Variants in USH2A observed in about 807,000 individuals in gnomAD.
USH2A encodes the protein Usher syndrome 2A (autosomal recessive, mild).
A neutral mutation model predicts 538.9 loss-of-function variants in USH2A; 443 were observed. The ratio of observed to expected loss-of-function variants is 0.82; its 90% CI spans 0.76 to 0.89. USH2A has a LOEUF of 0.89. Ranked by LOEUF, USH2A falls within the 40% of genes least tolerant of loss-of-function variation. USH2A has a pLI of 0.00. For missense variants in USH2A, 6,633 were observed against 6,324.8 expected, an observed-to-expected ratio of 1.05 and a Z score of -1.65; for synonymous variants, 2,413 against 2,273.5, an observed-to-expected ratio of 1.06 and a Z score of -1.75.
intron 38 of USH2A, among the ~76,000 whole-genome samples, chr1:215,903,969 G>A (rs1426105188): frequency 2.0e-5 from 3 of 151,978 alleles, no homozygotes; most frequent in Non-Finnish European, 4.4e-5. Flanking sequence ...AACACAAATG[G>A]TTTTTAACAA....
At chr1:215,906,630 G>T (rs1665646090) in intron 38 of USH2A, among the ~76,000 whole-genome samples, 1 of 151,894 alleles carries the variant, frequency 6.6e-6, no homozygotes, top group Non-Finnish European at 1.5e-5. Flanking sequence ...TTTCTGTCCA[G>T]GTCATATTCT....
intron 14 of USH2A, among the ~76,000 whole-genome samples, chr1:216,221,871 C>T (rs1197434685): frequency 6.6e-6 from 1 of 152,154 alleles, no homozygotes; most frequent in Admixed American, 6.5e-5. Context: ...TCTCAGAAGG[C>T]ATAAATAAGA....
intron 26 of USH2A, among the ~76,000 whole-genome samples, chr1:216,081,171 A>G (rs547164620): frequency 1.8e-4 from 27 of 152,232 alleles, no homozygotes; most frequent in Admixed American, 9.8e-4. Flanking sequence ...AATACAAGAC[A>G]CAAGATCAGG....
intron 12 of USH2A, among the ~76,000 whole-genome samples, chr1:216,248,585 C>CAAGTTCTTTA (rs1456679764): frequency 1.3e-5 from 2 of 151,820 alleles, no homozygotes; most frequent in Non-Finnish European, 2.9e-5. Flanking sequence ...CCAATGAAGG[C>CAAGTTCTTTA]AAGTTCTTTA....
At chr1:216,231,668 C>T (rs1278190871) in intron 14 of USH2A, among the ~76,000 whole-genome samples, 2 of 151,844 alleles carry the variant, frequency 1.3e-5, no homozygotes, top group African/African-American at 4.8e-5. Flanking sequence ...CTGCCTCAGA[C>T]TTCTGAGTAG....
intron 3 of USH2A, among the ~76,000 whole-genome samples, chr1:216,370,359 C>T (rs1416776042): frequency 1.4e-5 from 2 of 143,232 alleles, no homozygotes; most frequent in Non-Finnish European, 3.1e-5. Context: ...AGACTCTATC[C>T]AAAAAAAGAA....
intron 38 of USH2A, among the ~76,000 whole-genome samples, chr1:215,933,568 TACA>T (rs771395189): frequency 2.2e-4 from 33 of 152,008 alleles, no homozygotes; most frequent in Non-Finnish European, 4.0e-4. Context: ...GGTTTTATGA[TACA>T]ACAAGTAATG....
At chr1:215,752,632 AG>A (rs1357538746) in intron 58 of USH2A, among the ~76,000 whole-genome samples, 3 of 152,290 alleles carry the variant, frequency 2.0e-5, no homozygotes. Context: ...CGCTGCAAAA[AG>A]TCATTGTTGC....
chr1:215,983,116 A>G (rs1486387027), intron 35 of USH2A, among the ~76,000 whole-genome samples: 1 of 152,006 alleles, frequency 6.6e-6, no homozygotes, highest in Non-Finnish European at 1.5e-5. Context: ...ATGCCCAGAT[A>G]ATTTTTGTAT....
intron 22 of USH2A, among the ~76,000 whole-genome samples, chr1:216,092,584 A>G (rs2032328266): frequency 6.6e-6 from 1 of 152,344 alleles, no homozygotes; most frequent in East Asian, 1.9e-4. Context: ...AATTTTCACC[A>G]TCCCTCAGTT....
intron 11 of USH2A, among the ~76,000 whole-genome samples, chr1:216,279,773 A>T (rs1400534040): frequency 6.6e-6 from 1 of 152,130 alleles, no homozygotes; most frequent in Non-Finnish European, 1.5e-5. Flanking sequence ...GGATGAAAAA[A>T]GTCCCAAGCA....
intron 13 of USH2A, among the ~76,000 whole-genome samples, chr1:216,235,593 G>A (rs549088635): frequency 2.6e-5 from 4 of 152,258 alleles, no homozygotes; most frequent in African/African-American, 7.2e-5. Context: ...AGAGTTCAAA[G>A]TTATTAGCAA....
chr1:215,875,441 C>T (rs1664738815), intron 43 of USH2A, among the ~76,000 whole-genome samples: 1 of 152,134 alleles, frequency 6.6e-6, no homozygotes, highest in Non-Finnish European at 1.5e-5. Context: ...GCACACTTCC[C>T]TTCCGGAAGC....
intron 3 of USH2A, among the ~76,000 whole-genome samples, chr1:216,405,757 C>T (rs553361258): frequency 6.6e-6 from 1 of 152,256 alleles, no homozygotes; most frequent in East Asian, 1.9e-4. Context: ...TTTGATACAA[C>T]CCAAAACTAG....
intron 3 of USH2A, among the ~76,000 whole-genome samples, chr1:216,394,335 A>G (rs2039165633): frequency 6.7e-6 from 1 of 149,658 alleles, no homozygotes; most frequent in Non-Finnish European, 1.5e-5. Flanking sequence ...ATATTTATTC[A>G]GAAAACAGTT....
intron 37 of USH2A, among the ~76,000 whole-genome samples, chr1:215,944,167 G>C (rs1297470520): frequency 6.6e-6 from 1 of 152,122 alleles, no homozygotes; most frequent in African/African-American, 2.4e-5. Context: ...AATTTGGCCA[G>C]CTGCCTATTT....
chr1:216,258,904 T>A (rs539885269), intron 11 of USH2A, among the ~76,000 whole-genome samples: 1 of 152,204 alleles, frequency 6.6e-6, no homozygotes, highest in South Asian at 2.1e-4. Context: ...AGAGAGAATT[T>A]TCAGGAGCTG....
intron 49 of USH2A, among the ~76,000 whole-genome samples, chr1:215,801,103 C>T (rs1662317017): frequency 6.6e-6 from 1 of 151,874 alleles, no homozygotes; most frequent in Non-Finnish European, 1.5e-5. Flanking sequence ...ATTATAAATC[C>T]ACTCAAGAAA....
chr1:215,990,295 A>C (rs1206538276), intron 35 of USH2A, among the ~76,000 whole-genome samples: 3 of 152,234 alleles, frequency 2.0e-5, no homozygotes, highest in African/African-American at 7.2e-5. Context: ...TTTAGGAACA[A>C]ATGCATTTTG....
Sources: allele counts gnomAD v4.1 joint callset (sites outside exome capture counted in the v4.1 genomes callset), GRCh38; gene constraint gnomAD v4.1.1; transcripts MANE v1.5; gene names NCBI Gene and HGNC (gene_info 2026-07-23, HGNC 2026-07-21).